The following EPB41L4B variants were observed in gnomAD, a reference collection of about 807,000 sequenced individuals.
EPB41L4B encodes the protein erythrocyte membrane protein band 4.1 like 4B, also known as band 4.1-like protein 4B.
Under a neutral mutation model 112.5 loss-of-function variants are expected in EPB41L4B, and 30 were observed. The observed-to-expected ratio is 0.27, with a 90% CI of 0.20 to 0.36. EPB41L4B has a LOEUF of 0.36. EPB41L4B is among the 10% of genes least tolerant of loss of function. EPB41L4B has a pLI of 1.00. For synonymous variants in EPB41L4B, 408 were observed against 439.7 expected (o/e 0.93, Z 0.90); for missense variants, 1,024 against 1,133.3 (o/e 0.90, Z 1.38).
chr9:109,202,587 G>C (rs148153539), intron 19 of EPB41L4B, among the ~76,000 whole-genome samples: 1 of 152,188 alleles, frequency 6.6e-6, no homozygotes. Flanking sequence ...TAAACCACCA[G>C]GTGGCAATGA....
intron 15 of EPB41L4B, chr9:109,241,486 T>C (rs1383399506): frequency 7.2e-6 from 10 of 1,388,712 alleles, no homozygotes; most frequent in Non-Finnish European, 6.5e-6. Flanking sequence ...CAACAGTAAA[T>C]TATGACAAGC....
intron 23 of EPB41L4B, among the ~76,000 whole-genome samples, chr9:109,185,004 T>C (rs1453359966): frequency 6.6e-6 from 1 of 152,176 alleles, no homozygotes; most frequent in African/African-American, 2.4e-5. Context: ...ATGAATGATA[T>C]GAATAAATAG....
At chr9:109,230,414 T>C (rs935244297) in intron 15 of EPB41L4B, among the ~76,000 whole-genome samples, 1 of 152,206 alleles carries the variant, frequency 6.6e-6, no homozygotes, top group African/African-American at 2.4e-5. Context: ...TGACCTTAGG[T>C]AACTCACTTA....
In EPB41L4B at chr9:109,309,651, G is replaced by A. The variant is rs151075613; in HGVS notation, c.306+10490C>T. On this transcript the variant is annotated intron_variant, in intron 1 of 25. Coordinates refer to ENST00000374566, the MANE Select transcript of EPB41L4B (RefSeq NM_019114.5). ...GCAGCAGCTCATGCCTATAATGCCA[G>A]CACTTTGGGAGGCTGAGATGGGAGA... Among the ~76,000 whole-genome samples the A allele has an allele frequency of 3.0e-3, 450 of 152,290 alleles. 5 individuals are homozygous for A. Among genetic ancestry groups the A allele is most frequent in the African/African-American group, 0.01 (418 of 41,544 alleles).
At chr9:109,258,388 T>C (rs745388) in intron 6 of EPB41L4B, 91 bp from the exon 7 acceptor site, 573,085 of 1,423,982 alleles carry the variant, frequency 0.4, 116,837 homozygotes, top group Admixed American at 0.54. Flanking sequence ...TGCATCATTA[T>C]AAAGCACAGC....
intron 15 of EPB41L4B, among the ~76,000 whole-genome samples, chr9:109,236,588 C>T (rs1834150407): frequency 6.6e-6 from 1 of 152,220 alleles, no homozygotes; most frequent in Non-Finnish European, 1.5e-5. Flanking sequence ...GGTCTTACCA[C>T]TGACCATTTA....
chr9:109,193,505 G>A (rs1221548161), intron 21 of EPB41L4B, among the ~76,000 whole-genome samples: 1 of 152,236 alleles, frequency 6.6e-6, no homozygotes, highest in African/African-American at 2.4e-5. Context: ...CTTATGAATG[G>A]AAGAGCTGGG....
Position 109,287,026 on chromosome 9 carries a change from G to A in EPB41L4B, c.307-7105C>T, listed in dbSNP as rs141476131. Among the ~76,000 whole-genome samples the A allele has an allele frequency of 9.8e-5, 15 of 152,310 alleles. No individual in the cohort carries two copies. The East Asian group carries it at 2.7e-3, about 27-fold the overall frequency. On this transcript the variant is annotated intron_variant, in intron 1 of 25. Transcript: ENST00000374566. ...AAAGACCAACAACTGGTGTTTTTGA[G>A]TCAGTCTATGTCTCTGTAGCAGCTC...
intron 1 of EPB41L4B, among the ~76,000 whole-genome samples, chr9:109,316,502 C>A (rs796200475): frequency 6.6e-6 from 1 of 152,190 alleles, no homozygotes; most frequent in Non-Finnish European, 1.5e-5. Context: ...AGAAGGAAAG[C>A]GTCTAGGGCA....
intron 22 of EPB41L4B, among the ~76,000 whole-genome samples, chr9:109,189,342 T>G (rs1468948781): frequency 3.3e-5 from 5 of 152,166 alleles, no homozygotes; most frequent in Admixed American, 3.3e-4. Flanking sequence ...AAAGCGAAGT[T>G]GGAAAGAGTG....
At chr9:109,204,440 C>T (rs1293437435) in intron 18 of EPB41L4B, among the ~76,000 whole-genome samples, 1 of 152,110 alleles carries the variant, frequency 6.6e-6, no homozygotes, top group Non-Finnish European at 1.5e-5. Context: ...TCAAGATTGC[C>T]CACATATAGA....
chr9:109,236,617 T>C (rs897640505), intron 15 of EPB41L4B, among the ~76,000 whole-genome samples: 4 of 152,158 alleles, frequency 2.6e-5, no homozygotes, highest in African/African-American at 9.7e-5. Context: ...CAATCCACAT[T>C]TTTAGTAAGT....
intron 18 of EPB41L4B, among the ~76,000 whole-genome samples, chr9:109,205,126 T>G (rs532251143): frequency 1.3e-5 from 2 of 152,358 alleles, no homozygotes; most frequent in South Asian, 4.1e-4. Context: ...GAAGCTGATG[T>G]GTACTGGGAC....
intron 15 of EPB41L4B, among the ~76,000 whole-genome samples, chr9:109,224,522 G>A (rs1016986980): frequency 2.6e-5 from 4 of 152,152 alleles, no homozygotes; most frequent in Non-Finnish European, 5.9e-5. Flanking sequence ...TGGATTACCG[G>A]CTACCTAGGA....
chr9:109,287,915 G>C (rs1564321874), intron 1 of EPB41L4B, among the ~76,000 whole-genome samples: 1 of 152,198 alleles, frequency 6.6e-6, no homozygotes, highest in Non-Finnish European at 1.5e-5. Flanking sequence ...AAGTCTTTCT[G>C]TGGCCAGCTT....
intron 15 of EPB41L4B, among the ~76,000 whole-genome samples, chr9:109,223,821 C>A (rs1299410099): frequency 6.6e-6 from 1 of 152,102 alleles, no homozygotes; most frequent in East Asian, 1.9e-4. Context: ...GAGTTTGAGA[C>A]CAGCTTGGCC....
Position 109,176,786 on chromosome 9 carries a change from C to T in EPB41L4B, c.2488-90G>A, listed in dbSNP as rs1831859866. 1.7e-5 allele frequency: 24 copies of T among 1,436,852 alleles called. 1 individual carries two copies. The Admixed American group carries it at 4.4e-4, about 26-fold the overall frequency. 89.0% of individuals were successfully genotyped at this position (1,436,852 alleles called of 1,614,324 possible). On this transcript the variant is annotated intron_variant, in intron 24 of 25. Transcript: ENST00000374566. Reference sequence around the variant, plus strand: ...GCTCCCTAAGCCTTACTCTACAGTTCCTGTTCCTTTTCACTACCAGCTAAA... The same window carrying T: ...GCTCCCTAAGCCTTACTCTACAGTTTCTGTTCCTTTTCACTACCAGCTAAA...
At position 109,297,450 on chromosome 9, in the gene EPB41L4B, G is replaced by A. The variant is rs541306530; in HGVS notation, c.307-17529C>T. On this transcript the variant is annotated intron_variant, in intron 1 of 25. Transcript: ENST00000374566. ...TTACAACCAGCATGACCCCAACAAA[G>A]CCCCTTCACCTTTCTGAGCTTGTTT... Among the ~76,000 whole-genome samples the A allele has an allele frequency of 2.9e-4, 44 of 152,334 alleles. No homozygotes were observed. In the South Asian group the frequency reaches 3.7e-3, roughly 13 times the overall value.
At chr9:109,201,220 G>A (rs1832813685) in intron 19 of EPB41L4B, among the ~76,000 whole-genome samples, 1 of 152,072 alleles carries the variant, frequency 6.6e-6, no homozygotes, top group Non-Finnish European at 1.5e-5. Context: ...GGAGGCTGAG[G>A]TGGGCAGATG....
Sources: gnomAD v4.1 joint callset for allele counts (sites outside exome capture counted in the v4.1 genomes callset) on GRCh38, gnomAD v4.1.1 for gene constraint, MANE v1.5 for transcripts, NCBI Gene and HGNC (gene_info 2026-07-23, HGNC 2026-07-21) for gene names.